The following CDK3 variants were observed in gnomAD, a reference collection of about 807,000 sequenced individuals.
CDK3 encodes the protein cyclin-dependent kinase 3.
A neutral mutation model predicts 30.2 loss-of-function variants in CDK3; 24 were observed. The observed-to-expected ratio is 0.79, with a 90% CI of 0.57 to 1.12. CDK3 has a LOEUF of 1.12. CDK3 is among the 50% of genes most tolerant of loss of function. The pLI is 0.00. For synonymous variants in CDK3, 158 were observed against 154.2 expected (o/e 1.02, Z -0.18); for missense variants, 345 against 376.0 (o/e 0.92, Z 0.68).
Position 76,005,282 on chromosome 17 carries a change from C to CCTTCTTT in CDK3, c.793-11_793-5dup. The CCTTCTTT allele has an allele frequency of 6.2e-7, 1 of 1,612,930 alleles. No individual in the cohort carries two copies. The highest frequency in any genetic ancestry group is 8.5e-7 in the Non-Finnish European group (1 of 1,179,260). ...GGCTGCACCCAGACCACATCTTCTT[C>CCTTCTTT]CTTCTTTCTTCCTAGCAACTCCTGC... is the stretch of plus-strand genomic sequence containing the variant. On this transcript the variant is annotated splice_polypyrimidine_tract_variant and intron_variant, in intron 7 of 7. Coordinates refer to ENST00000448471, the MANE Select transcript of CDK3 (RefSeq NM_001258.4). This position sits in a 1 kb window ranked among gnomAD's most constrained non-coding sequence, Gnocchi z 4.7.
Position 76,002,289 on chromosome 17 carries a change from C to G in CDK3, c.357C>G (p.His119Gln), listed in dbSNP as rs1335390935. The change falls in exon 5 of 8, where the codon CAC (histidine) becomes CAG (glutamine). Residue 119 changes from histidine to glutamine, a missense_variant. Coordinates refer to ENST00000448471, the MANE Select transcript of CDK3 (RefSeq NM_001258.4). This position sits in a 1 kb window ranked among gnomAD's most constrained non-coding sequence, Gnocchi z 4.3. ...FQLLQGVSFC[H>Q]SHRVIHRDLK... ...TGCTGCAGGGGGTGAGTTTCTGCCACTCACATCGGGTCATCCACCGAGACC... is the reference window on the plus strand; with the variant it reads ...TGCTGCAGGGGGTGAGTTTCTGCCAGTCACATCGGGTCATCCACCGAGACC... 6.2e-7 allele frequency: 1 copy of G among 1,610,930 alleles called. No homozygotes were observed. The highest frequency in any genetic ancestry group is 1.1e-5 in the South Asian group (1 of 90,998).
intron 7 of CDK3, 66 bp downstream of exon 7, chr17:76,003,464 A>T: frequency 7.3e-7 from 1 of 1,370,362 alleles, no homozygotes; most frequent in Non-Finnish European, 1.0e-6. Context: ...AGCCTCTTAC[A>T]TAACCCTGGC....
Position 76,005,190 on chromosome 17 carries a change from A to G in CDK3, c.793-108A>G. The G allele has an allele frequency of 7.1e-7, 1 of 1,399,456 alleles. No individual in the cohort carries two copies. Among genetic ancestry groups the G allele is most frequent in the Non-Finnish European group, 9.6e-7 (1 of 1,037,222 alleles). The allele number at this position is 1,399,456 out of a possible 1,614,324, so 86.7% of individuals were successfully genotyped here. A position where few individuals can be genotyped will look rare whatever the true frequency, so the allele number is the denominator to read the frequency against. On this transcript the variant is annotated intron_variant, in intron 7 of 7. Transcript: ENST00000448471. This position sits in a 1 kb window ranked among gnomAD's most constrained non-coding sequence, Gnocchi z 4.7. ...ATGGCTTCATGCGGTTCTGGGTTTG[A>G]GGGCAGCCAATTTGGGGCCCAGGCC...
intron 7 of CDK3, among the ~76,000 whole-genome samples, chr17:76,004,197 G>A (rs528481378): frequency 2.7e-5 from 4 of 149,410 alleles, no homozygotes; most frequent in East Asian, 2.0e-4. Flanking sequence ...GACTGCCCAG[G>A]AAGTCTCTGG....
At position 76,002,178 on chromosome 17, in the gene CDK3, C is replaced by T. The variant is rs747919533; in HGVS notation, c.315+36C>T. On this transcript the variant is annotated intron_variant, in intron 4 of 7. Transcript: ENST00000448471. The surrounding 1 kb of genome is among the most constrained non-coding windows in gnomAD (Gnocchi z 4.3). ...AAGGGCAGGGAAGGAGAGGTGACAC[C>T]CCATCCCTGCCATCCCTGTCCACGC... 3.1e-6 allele frequency: 5 copies of T among 1,612,902 alleles called. No individual in the cohort carries two copies. The East Asian group carries it at 1.1e-4, about 36-fold the overall frequency.
At position 76,005,653 on chromosome 17, in the gene CDK3, C is replaced by T. The variant is rs890562918; in HGVS notation, c.*230C>T. ...AATAGAGGCACAGATGCTCCATGCA[C>T]GAGGGGTCCCCGGGCACTGGAACAA... On this transcript the variant is annotated 3_prime_UTR_variant, in exon 8 of 8. Coordinates refer to ENST00000448471, the MANE Select transcript of CDK3 (RefSeq NM_001258.4). The surrounding 1 kb of genome is among the most constrained non-coding windows in gnomAD (Gnocchi z 4.7). 6 of 480,298 alleles carry T rather than the reference C, an allele frequency of 1.2e-5. No individual in the cohort carries two copies. The highest frequency in any genetic ancestry group is 3.7e-5 in the East Asian group (1 of 26,988). 29.8% of individuals were successfully genotyped at this position (480,298 alleles called of 1,614,324 possible).
rs963682899 is a variant in CDK3 at position 76,005,058 on chromosome 17, C to T, written c.793-240C>T. ...GCAGGCTGGGACCTGGGACCCTCCC[C>T]GAGAAGGGGGGTGACTCAGCTTCAG... On this transcript the variant is annotated intron_variant, in intron 7 of 7. Transcript: ENST00000448471. The surrounding 1 kb of genome is among the most constrained non-coding windows in gnomAD (Gnocchi z 4.7). 2.0e-5 allele frequency among the ~76,000 whole-genome samples: 3 copies of T among 152,148 alleles called. No individual in the cohort carries two copies. Among genetic ancestry groups the T allele is most frequent in the African/African-American group, 7.2e-5 (3 of 41,420 alleles).
In CDK3 at chr17:76,002,226, C is replaced by T; in HGVS notation, c.316-22C>T. On this transcript the variant is annotated intron_variant, in intron 4 of 7. Coordinates refer to ENST00000448471, the MANE Select transcript of CDK3 (RefSeq NM_001258.4). This position sits in a 1 kb window ranked among gnomAD's most constrained non-coding sequence, Gnocchi z 4.3. ...CGCAGCACCTCCGCTCAGCTGGCTG[C>T]ACCTCGCGCTCGTTTCTCCAGAGCT... 1 of 1,612,322 alleles carries T rather than the reference C, an allele frequency of 6.2e-7. No individual in the cohort carries two copies.
intron 7 of CDK3, 36 bp downstream of exon 7, chr17:76,003,434 A>G (rs2066279923): frequency 6.4e-7 from 1 of 1,566,656 alleles, no homozygotes; most frequent in African/African-American, 1.4e-5. Context: ...TGCTCCGACT[A>G]CAGTTTCCCC....
At position 76,002,410 on chromosome 17, in the gene CDK3, A is replaced by G; in HGVS notation, c.478A>G (p.Thr160Ala). Residue 160 changes from threonine to alanine, a missense_variant, in exon 5 of 8, where the codon ACC becomes GCC. By Grantham distance (58) the Thr-to-Ala change is moderately conservative. Coordinates refer to ENST00000448471, the MANE Select transcript of CDK3 (RefSeq NM_001258.4). The surrounding 1 kb of genome is among the most constrained non-coding windows in gnomAD (Gnocchi z 4.3). ...CTTCGGGGTGCCCCTGCGCACCTAC[A>G]CCCATGAGGTATTGTGAGACAAAGA... ...RAFGVPLRTY[T>A]HEVVTLWYRA... 1 of 1,612,518 alleles carries G rather than the reference A, an allele frequency of 6.2e-7. No individual in the cohort carries two copies. Among genetic ancestry groups the G allele is most frequent in the Non-Finnish European group, 8.5e-7 (1 of 1,179,918 alleles).
chr17:76,005,372 T>C lies in CDK3; in HGVS notation c.867T>C (p.Pro289=), dbSNP rs780035476. The C allele has an allele frequency of 6.2e-7, 1 of 1,614,082 alleles. No homozygotes were observed. The highest frequency in any genetic ancestry group is 8.5e-7 in the Non-Finnish European group (1 of 1,179,964). The change falls in exon 8 of 8, where the codon CCT becomes CCC. Residue 289 remains proline, a synonymous_variant. Coordinates refer to ENST00000448471, the MANE Select transcript of CDK3 (RefSeq NM_001258.4). The surrounding 1 kb of genome is among the most constrained non-coding windows in gnomAD (Gnocchi z 4.7). ...TALAHPYFSS[P]EPSPAARQYV... is the part of the protein sequence containing the mutation. ...TGGCCCACCCGTACTTCTCATCCCC[T>C]GAGCCCTCCCCAGCTGCCCGCCAGT...
At chr17:76,003,004 T>A in intron 6 of CDK3, 191 bp from the exon 7 acceptor site, 8 of 639,512 alleles carry the variant, frequency 1.3e-5, no homozygotes, top group Non-Finnish European at 1.9e-5. Context: ...CTCTATTTTT[T>A]AAAAAAAGGT....
At position 76,005,168 on chromosome 17, in the gene CDK3, G is replaced by A; in HGVS notation, c.793-130G>A. 2 of 1,126,736 alleles carry A rather than the reference G, an allele frequency of 1.8e-6. No homozygotes were observed. Among genetic ancestry groups the A allele is most frequent in the Non-Finnish European group, 2.5e-6 (2 of 803,954 alleles). The allele number at this position is 1,126,736 out of a possible 1,614,324, so 69.8% of individuals were successfully genotyped here. ...CTGGCTGGAGAGCTGGGAGGTCATG[G>A]CTTCATGCGGTTCTGGGTTTGAGGG... On this transcript the variant is annotated intron_variant, in intron 7 of 7. Transcript: ENST00000448471. The surrounding 1 kb of genome is among the most constrained non-coding windows in gnomAD (Gnocchi z 4.7).
Position 76,001,872 on chromosome 17 carries a change from A to C in CDK3, c.117-2A>C. The C allele has an allele frequency of 6.2e-7, 1 of 1,612,402 alleles. No individual in the cohort carries two copies. The stretch of plus-strand genomic sequence containing the variant: ...CCACGGCTGTGCCCTTGTTTCTTGC[A>C]GGGAGATGGAGGGGGTCCCAAGCAC... On this transcript the variant is annotated splice_acceptor_variant, in intron 2 of 7. Transcript: ENST00000448471. LOFTEE classifies it high-confidence loss of function. This position sits in a 1 kb window ranked among gnomAD's most constrained non-coding sequence, Gnocchi z 6.2.
chr17:76,004,219 G>GTTTTTTTTTTTTTT lies in CDK3; in HGVS notation c.792+825_792+838dup, dbSNP rs59029490. 7.8e-4 allele frequency among the ~76,000 whole-genome samples: 72 copies of GTTTTTTTTTTTTTT among 92,288 alleles called. 6 individuals carry two copies. The highest frequency in any genetic ancestry group is 8.5e-4 in the African/African-American group (17 of 20,056). 60.5% of individuals were successfully genotyped at this position (92,288 alleles called of 152,430 possible). ...CAGGAAGTCTCTGGCAGAACCGTCT[G>GTTTTTTTTTTTTTT]TTTTTTTTTTTTTTTTTGAGACAGG... On this transcript the variant is annotated intron_variant, in intron 7 of 7. Transcript: ENST00000448471.
rs1028524830 is a variant in CDK3, at chr17:76,002,032, G to A, written c.205G>A (p.Val69Met). Residue 69 changes from valine to methionine, a missense_variant, in exon 4 of 8, where the codon GTG becomes ATG. Val to Met is a conservative substitution (Grantham distance 21). Coordinates refer to ENST00000448471, the MANE Select transcript of CDK3 (RefSeq NM_001258.4). The surrounding 1 kb of genome is among the most constrained non-coding windows in gnomAD (Gnocchi z 4.3). ...KHPNIVRLLDVVHNERKLYLV... is the reference protein window; with the variant it reads ...KHPNIVRLLDMVHNERKLYLV... ...CCATCTCCCTGTCAGACTGCTGGAC[G>A]TGGTGCACAACGAGAGGAAGCTCTA... The A allele has an allele frequency of 1.7e-5, 28 of 1,613,982 alleles. No individual in the cohort carries two copies. The Admixed American group carries it at 2.5e-4, about 14-fold the overall frequency.
Position 76,001,759 on chromosome 17 carries a change from T to C in CDK3, c.117-115T>C. On this transcript the variant is annotated intron_variant, in intron 2 of 7. Transcript: ENST00000448471. The surrounding 1 kb of genome is among the most constrained non-coding windows in gnomAD (Gnocchi z 6.2). ...GATGACGTGCCAAGGAGCACAGGTC[T>C]CCATTGCCGGGGCCCTGGTCATTCT... The C allele has an allele frequency of 9.5e-7, 1 of 1,053,468 alleles. No individual in the cohort carries two copies. The highest frequency in any genetic ancestry group is 3.1e-4 in the Middle Eastern group (1 of 3,200). The allele number at this position is 1,053,468 out of a possible 1,614,324, so 65.3% of individuals were successfully genotyped here. A position where few individuals can be genotyped will look rare whatever the true frequency, so the allele number is the denominator to read the frequency against.
Position 76,005,975 on chromosome 17 carries a change from T to A in CDK3, c.*552T>A, listed in dbSNP as rs1135531. 6.5e-6 allele frequency: 1 copy of A among 152,764 alleles called. No homozygotes were observed. Among genetic ancestry groups the A allele is most frequent in the East Asian group, 1.9e-4 (1 of 5,154 alleles). 9.5% of individuals were successfully genotyped at this position (152,764 alleles called of 1,614,324 possible). On this transcript the variant is annotated 3_prime_UTR_variant, in exon 8 of 8. Coordinates refer to ENST00000448471, the MANE Select transcript of CDK3 (RefSeq NM_001258.4). The surrounding 1 kb of genome is among the most constrained non-coding windows in gnomAD (Gnocchi z 4.7). Reference sequence around the variant, plus strand: ...TGGTTCATTTCTGGCTTGACAACAATAAATAAACGTGGTATGTTCCTGAGT... The same window carrying A: ...TGGTTCATTTCTGGCTTGACAACAAAAAATAAACGTGGTATGTTCCTGAGT...
Position 76,002,024 on chromosome 17 carries a change from T to C in CDK3, c.197T>C (p.Leu66Pro). The change falls in exon 4 of 8, where the codon CTG becomes CCG. Residue 66 changes from leucine (L) to proline (P), a missense_variant and splice_region_variant. Leu to Pro is a moderately conservative substitution (Grantham distance 98). Coordinates refer to ENST00000448471, the MANE Select transcript of CDK3 (RefSeq NM_001258.4). This position sits in a 1 kb window ranked among gnomAD's most constrained non-coding sequence, Gnocchi z 4.3. ...CCTGACTGCCATCTCCCTGTCAGAC[T>C]GCTGGACGTGGTGCACAACGAGAGG... Reference protein sequence around the residue: ...KELKHPNIVRLLDVVHNERKL... With the variant: ...KELKHPNIVRPLDVVHNERKL... 4 of 1,614,150 alleles carry C rather than the reference T, an allele frequency of 2.5e-6. No individual in the cohort carries two copies. Among genetic ancestry groups the C allele is most frequent in the Non-Finnish European group, 3.4e-6 (4 of 1,180,002 alleles).
Sources: gnomAD v4.1 joint callset for allele counts (sites outside exome capture counted in the v4.1 genomes callset) on GRCh38, gnomAD v4.1.1 for gene constraint, Gnocchi (gnomAD v3.1) non-coding constraint, MANE v1.5 for transcripts, NCBI Gene and HGNC (gene_info 2026-07-23, HGNC 2026-07-21) for gene names.